The following HERC6 variants were observed in gnomAD, a reference collection of about 807,000 sequenced individuals.
HERC6 encodes the protein probable E3 ubiquitin-protein ligase HERC6.
In HERC6, 101 loss-of-function variants were observed where a neutral mutation model predicts 114.5. The ratio of observed to expected loss-of-function variants is 0.88; its 90% CI spans 0.75 to 1.04. The LOEUF (loss-of-function observed/expected upper bound fraction) is 1.04. Among genes scored for constraint, HERC6 ranks in the 50% least tolerant of loss-of-function variants. HERC6 has a pLI of 0.00. For synonymous variants in HERC6, 408 were observed against 436.2 expected (o/e 0.94, Z 0.81); for missense variants, 1,133 against 1,230.9 (o/e 0.92, Z 1.19).
intron 18 of HERC6, among the ~76,000 whole-genome samples, chr4:88,436,174 A>T (rs1738715700): frequency 6.6e-6 from 1 of 152,158 alleles, no homozygotes; most frequent in African/African-American, 2.4e-5. Flanking sequence ...CACAATATAT[A>T]TGTGCATCAT....
chr4:88,424,027 T>C (rs1737339941), intron 14 of HERC6, 54 bp downstream of exon 14: 1 of 845,838 alleles, frequency 1.2e-6, no homozygotes, highest in African/African-American at 1.8e-5. Context: ...GGAAGACACA[T>C]TACTGTAGTA....
At position 88,435,759 on chromosome 4, in the gene HERC6, G is replaced by GAAT; in HGVS notation, c.2286_2288dup (p.Gly762_Met763insIle). 2 of 1,583,946 alleles carry GAAT rather than the reference G, an allele frequency of 1.3e-6. No individual in the cohort carries two copies. Among genetic ancestry groups the GAAT allele is most frequent in the Non-Finnish European group, 1.7e-6 (2 of 1,164,248 alleles). Reference sequence around the variant, plus strand: ...GAGAAGAAAAGATATTTCCTCTTTGGAATGCTGTGTGGACTCTCCTTATTC... The same window carrying GAAT: ...GAGAAGAAAAGATATTTCCTCTTTGGAATAATGCTGTGTGGACTCTCCTTATTC... On this transcript the variant is annotated inframe_insertion, in exon 18 of 23. Coordinates refer to ENST00000264346, the MANE Select transcript of HERC6 (RefSeq NM_017912.4).
Position 88,439,869 on chromosome 4 carries a change from TCAAGGAGAGACTATG to T in HERC6, c.2556-4_2566del. The T allele has an allele frequency of 2.2e-6, 2 of 903,160 alleles. No individual in the cohort carries two copies. The highest frequency in any genetic ancestry group is 3.2e-5 in the East Asian group (1 of 31,134). The allele number at this position is 903,160 out of a possible 1,614,324, so 55.9% of individuals were successfully genotyped here. A position where few individuals can be genotyped will look rare whatever the true frequency, so the allele number is the denominator to read the frequency against. On this transcript the variant is annotated splice_acceptor_variant and splice_polypyrimidine_tract_variant and coding_sequence_variant and intron_variant, in exon 21 of 23. Coordinates refer to ENST00000264346, the MANE Select transcript of HERC6 (RefSeq NM_017912.4). LOFTEE classifies it high-confidence loss of function. ...TTTTTTTTTTTTTTTTTTGCTTCCC[TCAAGGAGAGACTATG>T]TTTCTAAGTATATTGATTACATTTT...
At chr4:88,437,565 A>G in intron 19 of HERC6, 146 bp from the exon 20 acceptor site, 1 of 622,156 alleles carries the variant, frequency 1.6e-6, no homozygotes. Flanking sequence ...ACATGTATTT[A>G]AAAGGCTGAA....
intron 13 of HERC6, among the ~76,000 whole-genome samples, chr4:88,423,532 C>A (rs901838808): frequency 3.9e-5 from 6 of 152,142 alleles, no homozygotes; most frequent in South Asian, 2.1e-4. Flanking sequence ...GAGCAAAGTG[C>A]TGAATTTGTT....
chr4:88,393,619 G>T, intron 5 of HERC6, 37 bp downstream of exon 5: 1 of 1,318,640 alleles, frequency 7.6e-7, no homozygotes, highest in East Asian at 2.3e-5. Flanking sequence ...TTGAGTTCCA[G>T]AGAAATGGTA....
rs200892778 is a variant in HERC6, at chr4:88,421,436, T to TTTTTC, written c.1714-2409_1714-2405dup. Among the ~76,000 whole-genome samples, 297 of 150,714 alleles carry TTTTTC rather than the reference T, an allele frequency of 2.0e-3. 3 individuals are homozygous for TTTTTC. The highest frequency in any genetic ancestry group is 8.2e-3 in the South Asian group (39 of 4,754). Reference sequence around the variant, plus strand: ...GACAGTTCTAGTTTTTCCACGTTCTTTTTTCTTTTCTTTTCTTTTTTTTTT... The same window carrying TTTTTC: ...GACAGTTCTAGTTTTTCCACGTTCTTTTTTCTTTTCTTTTCTTTTCTTTTTTTTTT... On this transcript the variant is annotated intron_variant, in intron 13 of 22. Coordinates refer to ENST00000264346, the MANE Select transcript of HERC6 (RefSeq NM_017912.4).
chr4:88,385,816 C>G (rs1734547065), intron 3 of HERC6, among the ~76,000 whole-genome samples: 1 of 152,170 alleles, frequency 6.6e-6, no homozygotes, highest in Non-Finnish European at 1.5e-5. Flanking sequence ...CTGGCCAACT[C>G]TCTCAGAGCT....
chr4:88,442,194 T>C (rs1020416101), intron 22 of HERC6, 40 bp from the exon 23 acceptor site: 1 of 1,405,540 alleles, frequency 7.1e-7, no homozygotes, highest in Non-Finnish European at 9.9e-7. Flanking sequence ...TGTTTTACTC[T>C]TTCTATGAAA....
At chr4:88,395,678 C>A (rs570094945) in intron 5 of HERC6, among the ~76,000 whole-genome samples, 1 of 151,988 alleles carries the variant, frequency 6.6e-6, no homozygotes, top group South Asian at 2.1e-4. Context: ...TAAGGAAATG[C>A]TAATGATTTT....
intron 19 of HERC6, 35 bp from the exon 20 acceptor site, chr4:88,437,676 T>C (rs1453135753): frequency 7.3e-7 from 1 of 1,364,714 alleles, no homozygotes; most frequent in Non-Finnish European, 1.0e-6. Flanking sequence ...CAAACTTACT[T>C]TGATATTTGG....
rs201337362 is a variant in HERC6 at position 88,384,865 on chromosome 4, C to CA, written c.360-625dup. Among the ~76,000 whole-genome samples the CA allele has an allele frequency of 3.6e-3, 545 of 150,448 alleles. 3 individuals carry two copies. Among genetic ancestry groups the CA allele is most frequent in the South Asian group, 0.016 (78 of 4,732 alleles). On this transcript the variant is annotated intron_variant, in intron 2 of 22. Transcript: ENST00000264346. Reference sequence around the variant, plus strand: ...TGAAACCTCGTCTATACTAAAAATACAAAAAAAAATAGCCGGACGTTGTGG... The same window carrying CA: ...TGAAACCTCGTCTATACTAAAAATACAAAAAAAAAATAGCCGGACGTTGTGG...
At chr4:88,434,765 C>CA (rs761784879) in intron 17 of HERC6, among the ~76,000 whole-genome samples, 16,658 of 103,078 alleles carry the variant, frequency 0.16, 1,193 homozygotes, top group African/African-American at 0.27. Context: ...AAAACAGAGA[C>CA]AAAAAAAAAA....
chr4:88,404,795 C>T (rs1735733602), intron 8 of HERC6, 81 bp from the exon 9 acceptor site: 1 of 1,542,154 alleles, frequency 6.5e-7, no homozygotes, highest in Admixed American at 1.9e-5. Flanking sequence ...TATTTACCAC[C>T]CATGCCAGGT....
At chr4:88,387,003 G>A (rs1734620764) in intron 3 of HERC6, among the ~76,000 whole-genome samples, 1 of 152,204 alleles carries the variant, frequency 6.6e-6, no homozygotes, top group African/African-American at 2.4e-5. Context: ...TTGCAACTGT[G>A]CCATGGTCTA....
At chr4:88,400,898 G>T (rs927546659) in intron 8 of HERC6, among the ~76,000 whole-genome samples, 1 of 152,010 alleles carries the variant, frequency 6.6e-6, no homozygotes, top group Non-Finnish European at 1.5e-5. Context: ...ATGGTTTCAG[G>T]CATCCACTGG....
At chr4:88,404,794 C>A (rs1735733489) in intron 8 of HERC6, 82 bp from the exon 9 acceptor site, 4 of 1,530,826 alleles carry the variant, frequency 2.6e-6, no homozygotes, top group Non-Finnish European at 3.5e-6. Flanking sequence ...CTATTTACCA[C>A]CCATGCCAGG....
intron 1 of HERC6, among the ~76,000 whole-genome samples, chr4:88,382,898 A>G (rs1734390252): frequency 6.6e-6 from 1 of 152,004 alleles, no homozygotes; most frequent in Non-Finnish European, 1.5e-5. Context: ...CTTAAGTTTC[A>G]TTTTCCTAGG....
At position 88,413,537 on chromosome 4, in the gene HERC6, CAG is replaced by C. The variant is rs1441230836; in HGVS notation, c.1558+274_1558+275del. On this transcript the variant is annotated intron_variant, in intron 12 of 22. Transcript: ENST00000264346. ...TTAGACTTGGATGTGGCTTTGACAT[CAG>C]AGTTTGGTAGCTATAAAGTATTCAA... 3.9e-5 allele frequency among the ~76,000 whole-genome samples: 6 copies of C among 152,052 alleles called. No homozygotes were observed. In the East Asian group the frequency reaches 9.6e-4, roughly 24 times the overall value.
Sources: allele counts gnomAD v4.1 joint callset (sites outside exome capture counted in the v4.1 genomes callset), GRCh38; gene constraint gnomAD v4.1.1; transcripts MANE v1.5; gene names NCBI Gene and HGNC (gene_info 2026-07-23, HGNC 2026-07-21).